NEUROD2: variants seen among roughly 807,000 people sequenced by gnomAD.
NEUROD2 encodes neurogenic differentiation factor 2.
NEUROD2 carries 5 observed loss-of-function variants against 9.3 expected under a neutral mutation model. The observed-to-expected ratio is 0.54, with a 90% CI of 0.28 to 1.13. NEUROD2 has a LOEUF of 1.13. Among genes scored for constraint, NEUROD2 ranks in the 50% most tolerant of loss-of-function variants. NEUROD2 has a pLI of 0.10. For missense variants in NEUROD2, 376 were observed against 549.2 expected, an observed-to-expected ratio of 0.68 and a Z score of 3.15; for synonymous variants, 277 against 257.3, an observed-to-expected ratio of 1.08 and a Z score of -0.73.
chr17:39,607,692 G>A (rs1339655397), intron 1 of NEUROD2, 36 bp downstream of exon 1: 5 of 980,296 alleles, frequency 5.1e-6, no homozygotes, highest in Non-Finnish European at 3.6e-6. Context: ...CCTCCCAACC[G>A]GCGGGTCAGA....
rs1236101655 is a variant in NEUROD2, at chr17:39,605,696, G to T, written c.904C>A (p.Pro302Thr). The change falls in exon 2 of 2, where the codon CCG (proline) becomes ACG (threonine). Residue 302 changes from proline to threonine, a missense_variant. This residue lies in a region of NEUROD2 where 193 missense variants were observed against 255.8 expected (regional missense o/e 0.75). Transcript: ENST00000302584. This position sits in a 1 kb window ranked among gnomAD's most constrained non-coding sequence, Gnocchi z 6.8. Reference protein sequence around the residue: ...SSEYEGPLSPPLCLNGNFSLK... With the variant: ...SSEYEGPLSPTLCLNGNFSLK... The stretch of plus-strand genomic sequence containing the variant: ...GAGAAGTTGCCATTGAGACAGAGCG[G>T]GGGGCTGAGCGGGCCCTCGTACTCG... 2.5e-6 allele frequency: 4 copies of T among 1,607,404 alleles called. 1 individual carries two copies. Among genetic ancestry groups the T allele is most frequent in the East Asian group, 4.5e-5 (2 of 44,212 alleles).
chr17:39,605,665 T>C lies in NEUROD2; in HGVS notation c.935A>G (p.Lys312Arg). Residue 312 changes from lysine (K) to arginine (R), a missense_variant, in exon 2 of 2, where the codon AAG becomes AGG. Transcript: ENST00000302584. This position sits in a 1 kb window ranked among gnomAD's most constrained non-coding sequence, Gnocchi z 6.8. ...CTCGTGGTCGGGCGAGGAGTCCTGC[T>C]TGAGTGAGAAGTTGCCATTGAGACA... is the stretch of plus-strand genomic sequence containing the variant. ...PLCLNGNFSLKQDSSPDHEKS... is the reference protein window; with the variant it reads ...PLCLNGNFSLRQDSSPDHEKS... 2 of 1,612,082 alleles carry C rather than the reference T, an allele frequency of 1.2e-6. No homozygotes were observed. Among genetic ancestry groups the C allele is most frequent in the Non-Finnish European group, 8.5e-7 (1 of 1,179,170 alleles).
Position 39,606,728 on chromosome 17 carries a change from T to G in NEUROD2, c.-5-124A>C. 1.2e-4 allele frequency: 117 copies of G among 982,076 alleles called. No individual in the cohort carries two copies. Among genetic ancestry groups the G allele is most frequent in the Non-Finnish European group, 1.5e-4 (107 of 714,160 alleles). The allele number at this position is 982,076 out of a possible 1,614,324, so 60.8% of individuals were successfully genotyped here. On this transcript the variant is annotated intron_variant, in intron 1 of 1. Transcript: ENST00000302584. This position sits in a 1 kb window ranked among gnomAD's most constrained non-coding sequence, Gnocchi z 7.8. ...GTCTCGTGCGGGCTCCTGCCTAGGC[T>G]ACCCTGGATGCCCACCTCCGCCGCC...
In NEUROD2 at chr17:39,606,840, C is replaced by T; in HGVS notation, c.-5-236G>A. ...CTCTCCCCGGCGCTGGGCCCCGGCT[C>T]CGCCCCTCGCTTGAATGGGGGGCTG... is the stretch of plus-strand genomic sequence containing the variant. On this transcript the variant is annotated intron_variant, in intron 1 of 1. Coordinates refer to ENST00000302584, the MANE Select transcript of NEUROD2 (RefSeq NM_006160.4). This position sits in a 1 kb window ranked among gnomAD's most constrained non-coding sequence, Gnocchi z 7.8. 2 of 477,202 alleles carry T rather than the reference C, an allele frequency of 4.2e-6. No individual in the cohort carries two copies. The highest frequency in any genetic ancestry group is 7.1e-5 in the South Asian group (2 of 28,116). The allele number at this position is 477,202 out of a possible 1,614,324, so 29.6% of individuals were successfully genotyped here.
rs773848127 is a variant in NEUROD2 at position 39,605,466 on chromosome 17, C to T, written c.1134G>A (p.Ala378=). 3.2e-6 allele frequency: 5 copies of T among 1,580,338 alleles called. No homozygotes were observed. In the African/African-American group the frequency reaches 4.1e-5, roughly 13 times the overall value. The change falls in exon 2 of 2, where the codon GCG becomes GCA. Residue 378 remains alanine (A), a synonymous_variant. Coordinates refer to ENST00000302584, the MANE Select transcript of NEUROD2 (RefSeq NM_006160.4). This position sits in a 1 kb window ranked among gnomAD's most constrained non-coding sequence, Gnocchi z 6.8. ...DRGPMYEELN[A]FFHN is the part of the protein sequence containing the mutation. ...GCGCGAAGTCTCAGTTATGAAAAAACGCATTGAGCTCCTCGTACATGGGGC... is the reference window on the plus strand; with the variant it reads ...GCGCGAAGTCTCAGTTATGAAAAAATGCATTGAGCTCCTCGTACATGGGGC...
Position 39,605,951 on chromosome 17 carries a change from T to A in NEUROD2, c.649A>T (p.Thr217Ser), listed in dbSNP as rs1478936153. ...CCGGCACCGTCGGCGCCTTGCTCCG[T>A]GAGGAAGTTGCGAGAGTTGAGCTGC... is the stretch of plus-strand genomic sequence containing the variant. ...CLQLNSRNFL[T>S]EQGADGAGRF... Residue 217 changes from threonine to serine, a missense_variant, in exon 2 of 2, where the codon ACG becomes TCG. By Grantham distance (58) the Thr-to-Ser change is moderately conservative. Transcript: ENST00000302584. The surrounding 1 kb of genome is among the most constrained non-coding windows in gnomAD (Gnocchi z 6.8). 1 of 1,612,608 alleles carries A rather than the reference T, an allele frequency of 6.2e-7. No homozygotes were observed. The highest frequency in any genetic ancestry group is 1.1e-5 in the South Asian group (1 of 91,056).
In NEUROD2 at chr17:39,607,850, G is replaced by T. The variant is rs969501459; in HGVS notation, c.-128C>A. On this transcript the variant is annotated 5_prime_UTR_variant, in exon 1 of 2. Coordinates refer to ENST00000302584, the MANE Select transcript of NEUROD2 (RefSeq NM_006160.4). ...CCCATCTTCAGGGAGCGGGGGCAGC[G>T]GCTCCTCAAGGCGGCGGGCGCCGGC... is the stretch of plus-strand genomic sequence containing the variant. 6.4e-6 allele frequency: 1 copy of T among 156,476 alleles called. No individual in the cohort carries two copies. Among genetic ancestry groups the T allele is most frequent in the Non-Finnish European group, 1.4e-5 (1 of 72,004 alleles). 9.7% of individuals were successfully genotyped at this position (156,476 alleles called of 1,614,324 possible). A position where few individuals can be genotyped will look rare whatever the true frequency, so the allele number is the denominator to read the frequency against.
Position 39,606,100 on chromosome 17 carries a change from T to C in NEUROD2, c.500A>G (p.Lys167Arg). Reference sequence around the variant, plus strand: ...CTCCGAGAGCGCCCAGATATAGTTCTTGGCTAGGCGCAGCGTCTCGATCTT... The same window carrying C: ...CTCCGAGAGCGCCCAGATATAGTTCCTGGCTAGGCGCAGCGTCTCGATCTT... ...LSKIETLRLA[K>R]NYIWALSEIL... is the part of the protein sequence containing the mutation. The change falls in exon 2 of 2, where the codon AAG becomes AGG. Residue 167 changes from lysine to arginine, a missense_variant. Physicochemically the swap from Lys to Arg is conservative, Grantham distance 26. Around this residue, in one of 3 missense-constraint regions of NEUROD2, gnomAD observed 49 missense variants for 159.8 expected, o/e 0.31. Coordinates refer to ENST00000302584, the MANE Select transcript of NEUROD2 (RefSeq NM_006160.4). This position sits in a 1 kb window ranked among gnomAD's most constrained non-coding sequence, Gnocchi z 7.8. 6.2e-7 allele frequency: 1 copy of C among 1,614,134 alleles called. No individual in the cohort carries two copies. The highest frequency in any genetic ancestry group is 8.5e-7 in the Non-Finnish European group (1 of 1,180,006).
Position 39,606,929 on chromosome 17 carries a change from T to G in NEUROD2, c.-5-325A>C. On this transcript the variant is annotated intron_variant, in intron 1 of 1. Transcript: ENST00000302584. The surrounding 1 kb of genome is among the most constrained non-coding windows in gnomAD (Gnocchi z 7.8). ...CCGGGTGGGGGTTTTAGGGACCAGATATCTTTGCCAGGGGAGGCGGCGCGC... is the reference window on the plus strand; with the variant it reads ...CCGGGTGGGGGTTTTAGGGACCAGAGATCTTTGCCAGGGGAGGCGGCGCGC... 1 of 245,974 alleles carries G rather than the reference T, an allele frequency of 4.1e-6. No homozygotes were observed. The highest frequency in any genetic ancestry group is 7.8e-6 in the Non-Finnish European group (1 of 129,012). 15.2% of individuals were successfully genotyped at this position (245,974 alleles called of 1,614,324 possible). A position where few individuals can be genotyped will look rare whatever the true frequency, so the allele number is the denominator to read the frequency against.
chr17:39,605,700 G>C lies in NEUROD2; in HGVS notation c.900C>G (p.Ser300Arg). 1.2e-6 allele frequency: 2 copies of C among 1,605,606 alleles called. No individual in the cohort carries two copies. The highest frequency in any genetic ancestry group is 1.7e-6 in the Non-Finnish European group (2 of 1,176,548). ...YNSSEYEGPL[S>R]PPLCLNGNFS... ...AGTTGCCATTGAGACAGAGCGGGGG[G>C]CTGAGCGGGCCCTCGTACTCGGAGC... The change falls in exon 2 of 2, where the codon AGC (serine) becomes AGG (arginine). Residue 300 changes from serine to arginine, a missense_variant. This residue lies in a region of NEUROD2 where 193 missense variants were observed against 255.8 expected (regional missense o/e 0.75). Coordinates refer to ENST00000302584, the MANE Select transcript of NEUROD2 (RefSeq NM_006160.4). The surrounding 1 kb of genome is among the most constrained non-coding windows in gnomAD (Gnocchi z 6.8).
At chr17:39,607,009 G>C (rs1019452400) in intron 1 of NEUROD2, 4 of 169,696 alleles carry the variant, frequency 2.4e-5, no homozygotes, top group Non-Finnish European at 5.0e-5. Context: ...TCGGCCGCCG[G>C]TGGGGACAGC....
chr17:39,605,624 A>G lies in NEUROD2; in HGVS notation c.976T>C (p.Ser326Pro), dbSNP rs768567260. ...CCGGGCAGCGCCGAGTAGTGCATAG[A>G]GTAGTGGTAGCTTTTCTCGTGGTCG... ...SPDHEKSYHY[S>P]MHYSALPGSR... is the part of the protein sequence containing the mutation. The change falls in exon 2 of 2, where the codon TCT becomes CCT. Residue 326 changes from serine to proline, a missense_variant. Ser to Pro is a moderately conservative substitution (Grantham distance 74). Transcript: ENST00000302584. This position sits in a 1 kb window ranked among gnomAD's most constrained non-coding sequence, Gnocchi z 6.8. 3 of 1,613,208 alleles carry G rather than the reference A, an allele frequency of 1.9e-6. No individual in the cohort carries two copies. The highest frequency in any genetic ancestry group is 8.5e-7 in the Non-Finnish European group (1 of 1,179,656).
At position 39,605,906 on chromosome 17, in the gene NEUROD2, C is replaced by T. The variant is rs2056766142; in HGVS notation, c.694G>A (p.Gly232Ser). The T allele has an allele frequency of 1.9e-6, 3 of 1,606,940 alleles. No homozygotes were observed. The highest frequency in any genetic ancestry group is 2.5e-6 in the Non-Finnish European group (3 of 1,177,888). ...DGAGRFHGSGGPFAMHPYPYP... is the reference protein window; with the variant it reads ...DGAGRFHGSGSPFAMHPYPYP... ...GGGTAGGGGTGCATGGCGAACGGGCCGCCCGAGCCGTGGAAGCGGCCGGCA... is the reference window on the plus strand; with the variant it reads ...GGGTAGGGGTGCATGGCGAACGGGCTGCCCGAGCCGTGGAAGCGGCCGGCA... The change falls in exon 2 of 2, where the codon GGC (glycine) becomes AGC (serine). Residue 232 changes from glycine (G) to serine (S), a missense_variant. This residue lies in a region of NEUROD2 where 193 missense variants were observed against 255.8 expected (regional missense o/e 0.75). Transcript: ENST00000302584. This position sits in a 1 kb window ranked among gnomAD's most constrained non-coding sequence, Gnocchi z 6.8.
Position 39,606,874 on chromosome 17 carries a change from G to T in NEUROD2, c.-5-270C>A, listed in dbSNP as rs530649688. 162 of 433,536 alleles carry T rather than the reference G, an allele frequency of 3.7e-4. No homozygotes were observed. The highest frequency in any genetic ancestry group is 1.8e-3 in the Middle Eastern group (3 of 1,672). 26.9% of individuals were successfully genotyped at this position (433,536 alleles called of 1,614,324 possible). On this transcript the variant is annotated intron_variant, in intron 1 of 1. Transcript: ENST00000302584. This position sits in a 1 kb window ranked among gnomAD's most constrained non-coding sequence, Gnocchi z 7.8. ...GCTTGAATGGGGGGCTGCTCCCCGC[G>T]CCTGCTTCTTCTCAGGGTCAGGGCA...
In NEUROD2 at chr17:39,605,555, C is replaced by T; in HGVS notation, c.1045G>A (p.Val349Met). 6.2e-7 allele frequency: 1 copy of T among 1,613,564 alleles called. No homozygotes were observed. ...GHGLVFGSSA[V>M]RGGVHSENLL... is the part of the protein sequence containing the mutation. Reference sequence around the variant, plus strand: ...TTCTCCGAGTGGACGCCCCCGCGCACAGCCGACGAGCCGAAGACTAGCCCG... The same window carrying T: ...TTCTCCGAGTGGACGCCCCCGCGCATAGCCGACGAGCCGAAGACTAGCCCG... The change falls in exon 2 of 2, where the codon GTG (valine) becomes ATG (methionine). Residue 349 changes from valine (V) to methionine (M), a missense_variant. This residue lies in a region of NEUROD2 where 193 missense variants were observed against 255.8 expected (regional missense o/e 0.75). Coordinates refer to ENST00000302584, the MANE Select transcript of NEUROD2 (RefSeq NM_006160.4). This position sits in a 1 kb window ranked among gnomAD's most constrained non-coding sequence, Gnocchi z 6.8.
intron 1 of NEUROD2, 27 bp downstream of exon 1, chr17:39,607,701 G>C (rs888318544): frequency 6.3e-6 from 6 of 958,952 alleles, no homozygotes; most frequent in Non-Finnish European, 7.4e-6. Flanking sequence ...CGGCGGGTCA[G>C]ATCTCGCTCC....
Position 39,604,755 on chromosome 17 carries a change from CTTTTTTTTTTTTTTTTTTTTTTTT to C in NEUROD2, c.*672_*695del, listed in dbSNP as rs67001366. The stretch of plus-strand genomic sequence containing the variant: ...GCGTTCGGCTTCCGTCGCCTCTTAG[CTTTTTTTTTTTTTTTTTTTTTTTT>C]TTTTTTTTTTTTTTTTGTATGTTTG... On this transcript the variant is annotated 3_prime_UTR_variant, in exon 2 of 2. Coordinates refer to ENST00000302584, the MANE Select transcript of NEUROD2 (RefSeq NM_006160.4). 1 of 22,318 alleles carries C rather than the reference CTTTTTTTTTTTTTTTTTTTTTTTT, an allele frequency of 4.5e-5. No homozygotes were observed. Among genetic ancestry groups the C allele is most frequent in the Non-Finnish European group, 7.4e-5 (1 of 13,476 alleles). The allele number at this position is 22,318 out of a possible 1,614,324, so 1.4% of individuals were successfully genotyped here.
chr17:39,607,662 C>A, intron 1 of NEUROD2, 66 bp downstream of exon 1: 1 of 982,142 alleles, frequency 1.0e-6, no homozygotes, highest in Non-Finnish European at 1.2e-6. Flanking sequence ...ACCCTCCTGT[C>A]GGCCGAAGCT....
Position 39,606,210 on chromosome 17 carries a change from C to T in NEUROD2, c.390G>A (p.Glu130=). ...CGTTCAGGTCGTGCATGCGGTTGCG[C>T]TCCCGCGCGTTCGCCTTCTGCCGCC... ...KLRRQKANAR[E]RNRMHDLNAA... is the part of the protein sequence containing the mutation. Residue 130 remains glutamate, a synonymous_variant, in exon 2 of 2, where the codon GAG becomes GAA. Coordinates refer to ENST00000302584, the MANE Select transcript of NEUROD2 (RefSeq NM_006160.4). The surrounding 1 kb of genome is among the most constrained non-coding windows in gnomAD (Gnocchi z 7.8). 6.2e-7 allele frequency: 1 copy of T among 1,612,194 alleles called. No individual in the cohort carries two copies. Among genetic ancestry groups the T allele is most frequent in the Non-Finnish European group, 8.5e-7 (1 of 1,179,880 alleles).
Sources: allele counts gnomAD v4.1 joint callset, GRCh38; gene constraint gnomAD v4.1.1; regional missense constraint gnomAD v4.1.1; non-coding constraint Gnocchi (gnomAD v3.1); transcripts MANE v1.5; gene names NCBI Gene and HGNC (gene_info 2026-07-23, HGNC 2026-07-21).